Variants in FAM163A observed in about 807,000 individuals in gnomAD.
FAM163A encodes the protein family with sequence similarity 163 member A.
Under a neutral mutation model 12.0 loss-of-function variants are expected in FAM163A, and 7 were observed. The ratio of observed to expected loss-of-function variants is 0.58; its 90% CI spans 0.33 to 1.10. The LOEUF is 1.10. Among genes scored for constraint, FAM163A ranks in the 50% least tolerant of loss-of-function variants. The probability of loss-of-function intolerance (pLI) is 0.03; values close to 1 mark genes in which losing one functional copy is unlikely to be tolerated. For synonymous variants in FAM163A, 101 were observed against 91.0 expected (o/e 1.11, Z -0.62); for missense variants, 202 against 218.6 (o/e 0.92, Z 0.48).
Position 179,814,408 on chromosome 1 carries a change from T to G in FAM163A, c.*219T>G. On this transcript the variant is annotated 3_prime_UTR_variant, in exon 5 of 5. Transcript: ENST00000341785. ...CTGTGGGCCAGAGGTGGGGGACTGC[T>G]AGGTCGAGTCTGCAGCTTCGCCAGT... The G allele has an allele frequency of 1.7e-6, 1 of 598,346 alleles. No homozygotes were observed. The highest frequency in any genetic ancestry group is 2.4e-5 in the South Asian group (1 of 42,330). 37.1% of individuals were successfully genotyped at this position (598,346 alleles called of 1,614,324 possible). A position where few individuals can be genotyped will look rare whatever the true frequency, so the allele number is the denominator to read the frequency against.
chr1:179,742,092 C>T (rs1683722274), upstream of FAM163A: 1 of 152,116 alleles, frequency 6.6e-6, no homozygotes, highest in Non-Finnish European at 1.5e-5. Flanking sequence ...AATGTAAAAC[C>T]TGTGAGTAGA....
intron 2 of FAM163A, among the ~76,000 whole-genome samples, chr1:179,808,538 C>T (rs1694268611): frequency 6.6e-6 from 1 of 152,212 alleles, no homozygotes; most frequent in South Asian, 2.1e-4. Context: ...AGGAATTGGC[C>T]AGAGGCCACC....
intron 2 of FAM163A, among the ~76,000 whole-genome samples, chr1:179,809,505 C>T (rs867973844): frequency 5.9e-5 from 9 of 152,186 alleles, no homozygotes; most frequent in South Asian, 4.1e-4. Context: ...AGGTGATCCT[C>T]GAACCTGGGC....
At chr1:179,809,891 G>C in intron 2 of FAM163A, among the ~76,000 whole-genome samples, 1 of 152,144 alleles carries the variant, frequency 6.6e-6, no homozygotes, top group South Asian at 2.1e-4. Flanking sequence ...GCCTCCAGAT[G>C]CCCCAAGAAA....
chr1:179,773,377 A>T lies in FAM163A; in HGVS notation c.-136+29954A>T, dbSNP rs115576430. ...TAAGCGTGCACACATGCATATGTTC[A>T]TGTAAAACTGGAGAAATCCAAATGT... On this transcript the variant is annotated intron_variant, in intron 1 of 4. Coordinates refer to ENST00000341785, the MANE Select transcript of FAM163A (RefSeq NM_173509.3). Among the ~76,000 whole-genome samples, 1,425 of 152,308 alleles carry T rather than the reference A, an allele frequency of 9.4e-3. 15 individuals are homozygous for T. Among genetic ancestry groups the T allele is most frequent in the African/African-American group, 0.031 (1,302 of 41,558 alleles).
chr1:179,792,626 G>A (rs1229737104), intron 1 of FAM163A, among the ~76,000 whole-genome samples: 4 of 152,094 alleles, frequency 2.6e-5, no homozygotes, highest in African/African-American at 9.7e-5. Flanking sequence ...CCACTTACTA[G>A]TTGTGTTACC....
upstream of FAM163A, among the ~76,000 whole-genome samples, chr1:179,739,536 A>AT (rs11352266): frequency 2.7e-4 from 41 of 151,392 alleles, no homozygotes; most frequent in East Asian, 1.9e-3. Context: ...TTGTTTTGTG[A>AT]TTTTTTTTTT....
At chr1:179,789,041 A>C (rs1691051529) in intron 1 of FAM163A, among the ~76,000 whole-genome samples, 1 of 152,258 alleles carries the variant, frequency 6.6e-6, no homozygotes, top group South Asian at 2.1e-4. Context: ...CCCAGTGGGC[A>C]TGTCTGCCAC....
In FAM163A at chr1:179,793,488, A is replaced by C. The variant is rs568814271; in HGVS notation, c.-135-14310A>C. On this transcript the variant is annotated intron_variant, in intron 1 of 4. Coordinates refer to ENST00000341785, the MANE Select transcript of FAM163A (RefSeq NM_173509.3). ...GGTGAAAGCATGAAGCACAGAAATG[A>C]GAAAAGCGTACGTGCTCATGCAGGG... is the stretch of plus-strand genomic sequence containing the variant. 3.3e-5 allele frequency among the ~76,000 whole-genome samples: 5 copies of C among 152,322 alleles called. No individual in the cohort carries two copies. In the East Asian group the frequency reaches 9.7e-4, roughly 29 times the overall value.
intron 1 of FAM163A, among the ~76,000 whole-genome samples, chr1:179,744,025 C>T (rs187641417): frequency 6.6e-6 from 1 of 152,290 alleles, no homozygotes; most frequent in African/African-American, 2.4e-5. Flanking sequence ...CTGTGGGCAG[C>T]CTTGAGACCG....
chr1:179,755,144 A>AC (rs1685835523), intron 1 of FAM163A, among the ~76,000 whole-genome samples: 1 of 150,268 alleles, frequency 6.7e-6, no homozygotes, highest in South Asian at 2.1e-4. Flanking sequence ...CTCAAAAAAA[A>AC]AAAAAAAAGA....
At chr1:179,794,649 G>A (rs1692009525) in intron 1 of FAM163A, among the ~76,000 whole-genome samples, 2 of 152,168 alleles carry the variant, frequency 1.3e-5, no homozygotes, top group Non-Finnish European at 2.9e-5. Flanking sequence ...TTTAATGTCT[G>A]GCTTTGATTT....
intron 1 of FAM163A, among the ~76,000 whole-genome samples, chr1:179,749,471 TG>T (rs1684961936): frequency 6.6e-6 from 1 of 152,214 alleles, no homozygotes; most frequent in South Asian, 2.1e-4. Flanking sequence ...ATTTGGCCAG[TG>T]GGTCTCAAAA....
At chr1:179,775,420 A>G (rs1688817820) in intron 1 of FAM163A, among the ~76,000 whole-genome samples, 1 of 152,222 alleles carries the variant, frequency 6.6e-6, no homozygotes, top group Non-Finnish European at 1.5e-5. Flanking sequence ...TTGCAAAGGG[A>G]GTAGCCTCTG....
intron 1 of FAM163A, among the ~76,000 whole-genome samples, chr1:179,789,999 T>C (rs1195178847): frequency 2.6e-5 from 4 of 152,062 alleles, no homozygotes; most frequent in Non-Finnish European, 5.9e-5. Context: ...GGAAAGGACA[T>C]GACCAAAGAA....
intron 4 of FAM163A, 67 bp from the exon 5 acceptor site, chr1:179,813,712 C>T (rs1292661854): frequency 2.5e-6 from 4 of 1,575,110 alleles, no homozygotes; most frequent in South Asian, 2.3e-5. Context: ...CACCTGTGCA[C>T]GCTCAAAAAT....
At chr1:179,785,476 C>CTGGGAA (rs1430945077) in intron 1 of FAM163A, among the ~76,000 whole-genome samples, 1 of 152,110 alleles carries the variant, frequency 6.6e-6, no homozygotes, top group African/African-American at 2.4e-5. Context: ...TTGGGTGTAG[C>CTGGGAA]TGGGAATTCT....
At chr1:179,757,136 AG>A (rs1686127889) in intron 1 of FAM163A, among the ~76,000 whole-genome samples, 1 of 140,174 alleles carries the variant, frequency 7.1e-6, no homozygotes, top group African/African-American at 2.6e-5. Context: ...TTTGTTGGGA[AG>A]GAAAAGAGAG....
intron 1 of FAM163A, among the ~76,000 whole-genome samples, chr1:179,759,956 C>T (rs955759038): frequency 2.6e-5 from 4 of 152,142 alleles, no homozygotes; most frequent in African/African-American, 4.8e-5. Context: ...CATGAGCCAC[C>T]ACGCCCCGCC....
Sources: gnomAD v4.1 joint callset for allele counts (sites outside exome capture counted in the v4.1 genomes callset) on GRCh38, gnomAD v4.1.1 for gene constraint, MANE v1.5 for transcripts, NCBI Gene and HGNC (gene_info 2026-07-23, HGNC 2026-07-21) for gene names.